The following UBE2D2 variants were observed in gnomAD, a reference collection of about 807,000 sequenced individuals.
UBE2D2 encodes ubiquitin-conjugating enzyme E2 D2.
UBE2D2 carries 2 observed loss-of-function variants against 24.2 expected under a neutral mutation model. The ratio of observed to expected loss-of-function variants is 0.08; its 90% CI spans 0.03 to 0.26. UBE2D2 has a LOEUF of 0.26. Ranked by LOEUF, UBE2D2 falls within the 10% of genes least tolerant of loss-of-function variation. The pLI is 1.00. For missense variants in UBE2D2, 44 were observed against 177.6 expected (o/e 0.25, Z 4.28); for synonymous variants, 58 against 56.5 (o/e 1.03, Z -0.12).
At chr5:139,572,672 G>A (rs1237358715) in intron 1 of UBE2D2, among the ~76,000 whole-genome samples, 1 of 146,156 alleles carries the variant, frequency 6.8e-6, no homozygotes, top group Non-Finnish European at 1.5e-5. Flanking sequence ...TTGAGACAGA[G>A]ACTTGCTCTG....
intron 1 of UBE2D2, among the ~76,000 whole-genome samples, chr5:139,546,807 C>CT (rs1438002511): frequency 7.7e-5 from 11 of 141,952 alleles, no homozygotes; most frequent in South Asian, 5.0e-4. Flanking sequence ...TTCTTTCTTT[C>CT]TTCTTTCTTT....
chr5:139,566,221 G>T (rs569549791), intron 1 of UBE2D2, among the ~76,000 whole-genome samples: 1 of 151,960 alleles, frequency 6.6e-6, no homozygotes, highest in Non-Finnish European at 1.5e-5. Flanking sequence ...GTTTCTCCCT[G>T]TTGGCCAGGC....
At chr5:139,542,468 A>C (rs1318992003) in intron 1 of UBE2D2, among the ~76,000 whole-genome samples, 1 of 151,952 alleles carries the variant, frequency 6.6e-6, no homozygotes, top group Non-Finnish European at 1.5e-5. Flanking sequence ...TCCTGGGTTC[A>C]AGCAAGCATA....
At chr5:139,593,942 A>G (rs1479841303) in intron 1 of UBE2D2, among the ~76,000 whole-genome samples, 1 of 152,170 alleles carries the variant, frequency 6.6e-6, no homozygotes. Flanking sequence ...ATGAATCATA[A>G]TCTTTGTTTA....
chr5:139,580,417 A>G (rs562585406), intron 1 of UBE2D2, among the ~76,000 whole-genome samples: 2 of 152,246 alleles, frequency 1.3e-5, no homozygotes, highest in African/African-American at 2.4e-5. Context: ...GTCCAGGAGT[A>G]TAAGGCCAGC....
At chr5:139,591,129 T>C (rs1464189201) in intron 1 of UBE2D2, among the ~76,000 whole-genome samples, 9 of 149,392 alleles carry the variant, frequency 6.0e-5, no homozygotes, top group Non-Finnish European at 1.0e-4. Flanking sequence ...TCTCTCTCTT[T>C]TTTTTTTTTA....
At chr5:139,585,509 T>C (rs191482966) in intron 1 of UBE2D2, among the ~76,000 whole-genome samples, 7 of 152,220 alleles carry the variant, frequency 4.6e-5, no homozygotes, top group Non-Finnish European at 1.0e-4. Context: ...ATTATAGCCA[T>C]GAGTCCCTGT....
chr5:139,530,631 C>T (rs1561494841), intron 1 of UBE2D2, among the ~76,000 whole-genome samples: 1 of 152,140 alleles, frequency 6.6e-6, no homozygotes, highest in Non-Finnish European at 1.5e-5. Context: ...TGCTATCTAT[C>T]AAAATAGAAT....
intron 1 of UBE2D2, among the ~76,000 whole-genome samples, chr5:139,578,616 C>G (rs1313959365): frequency 6.6e-6 from 1 of 151,958 alleles, no homozygotes; most frequent in Admixed American, 6.6e-5. Flanking sequence ...CCATACCTGG[C>G]TTTTTAAAAA....
chr5:139,591,415 T>C (rs113310460), intron 1 of UBE2D2, among the ~76,000 whole-genome samples: 12,550 of 152,094 alleles, frequency 0.083, 638 homozygotes, highest in African/African-American at 0.12. Flanking sequence ...CCACCGCACC[T>C]GACCCATGGT....
At chr5:139,626,411 T>TCATATACTAATAATA (rs1754630163) in intron 6 of UBE2D2, among the ~76,000 whole-genome samples, 1 of 152,216 alleles carries the variant, frequency 6.6e-6, no homozygotes, top group African/African-American at 2.4e-5. Flanking sequence ...GTTCAAGAAC[T>TCATATACTAATAATA]ATGTAATGTA....
chr5:139,572,753 C>G (rs1561506973), intron 1 of UBE2D2, among the ~76,000 whole-genome samples: 1 of 151,006 alleles, frequency 6.6e-6, no homozygotes. Context: ...CCAAGCAATT[C>G]TCCTGCCTCA....
chr5:139,550,186 G>T (rs574942241), intron 1 of UBE2D2, among the ~76,000 whole-genome samples: 9 of 144,728 alleles, frequency 6.2e-5, no homozygotes, highest in Admixed American at 5.4e-4. Flanking sequence ...CCAGTCAGCA[G>T]TCTGTGTCTA....
chr5:139,626,122 ACAGTATTGCAATCT>A (rs1481750988), intron 6 of UBE2D2, among the ~76,000 whole-genome samples: 2 of 150,756 alleles, frequency 1.3e-5, no homozygotes, highest in African/African-American at 4.9e-5. Context: ...AGGCTATGGT[ACAGTATTGCAATCT>A]CAGCTCACTG....
At chr5:139,626,360 A>G (rs1226019495) in intron 6 of UBE2D2, among the ~76,000 whole-genome samples, 8 of 152,220 alleles carry the variant, frequency 5.3e-5, no homozygotes, top group Non-Finnish European at 8.8e-5. Flanking sequence ...GTGAGCCAAC[A>G]TGCCCAGCCT....
chr5:139,545,286 T>C (rs1752811096), intron 1 of UBE2D2, among the ~76,000 whole-genome samples: 2 of 152,140 alleles, frequency 1.3e-5, no homozygotes, highest in Admixed American at 1.3e-4. Flanking sequence ...CAGGCCGGAC[T>C]TGAATTCCTG....
intron 2 of UBE2D2, among the ~76,000 whole-genome samples, chr5:139,600,986 A>G (rs1393435447): frequency 6.6e-6 from 1 of 152,092 alleles, no homozygotes. Context: ...TATTTTTAGT[A>G]GATTCGTGGT....
At chr5:139,589,064 T>G (rs1458532294) in intron 1 of UBE2D2, among the ~76,000 whole-genome samples, 1 of 152,162 alleles carries the variant, frequency 6.6e-6, no homozygotes, top group East Asian at 1.9e-4. Context: ...GTGCTGACAT[T>G]ACAGGCATGA....
intron 1 of UBE2D2, among the ~76,000 whole-genome samples, chr5:139,566,930 AG>A (rs201379924): frequency 1.1e-4 from 16 of 151,994 alleles, no homozygotes; most frequent in African/African-American, 2.7e-4. Flanking sequence ...AAAAAAAAAA[AG>A]AACAACAAAA....
Sources: allele counts gnomAD v4.1 joint callset (sites outside exome capture counted in the v4.1 genomes callset), GRCh38; gene constraint gnomAD v4.1.1; transcripts MANE v1.5; gene names NCBI Gene and HGNC (gene_info 2026-07-23, HGNC 2026-07-21).